The following CCSER2 variants were observed in gnomAD, a reference collection of about 807,000 sequenced individuals.
CCSER2 encodes coiled-coil serine rich protein 2, also known as serine-rich coiled-coil domain-containing protein 2.
A neutral mutation model predicts 92.3 loss-of-function variants in CCSER2; 46 were observed. The observed-to-expected ratio is 0.50, with a 90% confidence interval of 0.39 to 0.64. The LOEUF (loss-of-function observed/expected upper bound fraction) is 0.64, where lower values mean the gene tolerates loss of function less well. Ranked by LOEUF, CCSER2 falls within the 30% of genes least tolerant of loss-of-function variation. The pLI is 0.00. For synonymous variants in CCSER2, 433 were observed against 431.4 expected, an observed-to-expected ratio of 1.00 and a Z score of -0.04; for missense variants, 1,244 against 1,238.9, an observed-to-expected ratio of 1.00 and a Z score of -0.06.
At chr10:84,450,647 T>C (rs547316396) in intron 6 of CCSER2, among the ~76,000 whole-genome samples, 2 of 152,296 alleles carry the variant, frequency 1.3e-5, no homozygotes, top group South Asian at 4.1e-4. Context: ...CATGAAATTA[T>C]CAATAAATTT....
intron 1 of CCSER2, 80 bp from the exon 2 acceptor site, chr10:84,370,934 G>T (rs1411900796): frequency 7.9e-6 from 5 of 636,926 alleles, no homozygotes; most frequent in Non-Finnish European, 1.2e-5. Context: ...GTATAAAAGT[G>T]TAAGTATCAT....
chr10:84,482,770 C>G lies in CCSER2; in HGVS notation c.2325+5106C>G, dbSNP rs1847530484. ...AACAGGTTAGACCCAAAGGATCTAC[C>G]TGACCTGTCATGTAATTACCTGACC... is the stretch of plus-strand genomic sequence containing the variant. On this transcript the variant is annotated intron_variant, in intron 9 of 9. Transcript: ENST00000372088. Among the ~76,000 whole-genome samples the G allele has an allele frequency of 5.3e-5, 8 of 152,240 alleles. No homozygotes were observed. In the South Asian group the frequency reaches 1.7e-3, roughly 32 times the overall value.
intron 9 of CCSER2, among the ~76,000 whole-genome samples, chr10:84,502,029 G>A (rs189027184): frequency 2.0e-5 from 3 of 149,022 alleles, no homozygotes; most frequent in African/African-American, 7.3e-5. Context: ...AGCTTGAAAG[G>A]TTCCTTTAGA....
chr10:84,436,462 C>T (rs959116049), intron 5 of CCSER2, among the ~76,000 whole-genome samples: 4 of 151,136 alleles, frequency 2.6e-5, no homozygotes, highest in African/African-American at 7.3e-5. Flanking sequence ...GGTAAAACCC[C>T]GTCTGTACTA....
chr10:84,493,216 T>C (rs1357070771), intron 9 of CCSER2, among the ~76,000 whole-genome samples: 1 of 152,200 alleles, frequency 6.6e-6, no homozygotes, highest in Non-Finnish European at 1.5e-5. Flanking sequence ...GAATTGGCCC[T>C]TTTTCTCAGT....
chr10:84,378,164 A>G (rs1280864153), intron 3 of CCSER2, among the ~76,000 whole-genome samples: 1 of 152,158 alleles, frequency 6.6e-6, no homozygotes, highest in Non-Finnish European at 1.5e-5. Flanking sequence ...AGGGAGTTTA[A>G]TCAGAGTATG....
At chr10:84,390,916 G>T in intron 3 of CCSER2, 1 of 740,054 alleles carries the variant, frequency 1.4e-6, no homozygotes. Flanking sequence ...CCTAGAAGAG[G>T]AGGCTTGTAC....
chr10:84,487,730 ATTTC>A (rs997720963), intron 9 of CCSER2, among the ~76,000 whole-genome samples: 8 of 152,088 alleles, frequency 5.3e-5, no homozygotes, highest in African/African-American at 1.9e-4. Context: ...AATACCCTTT[ATTTC>A]TTTCTCCTGC....
intron 3 of CCSER2, among the ~76,000 whole-genome samples, chr10:84,409,250 C>G (rs1206146771): frequency 6.6e-6 from 1 of 152,104 alleles, no homozygotes; most frequent in African/African-American, 2.4e-5. Context: ...CGTGGCCTCT[C>G]AAAGTGCTGG....
intron 5 of CCSER2, among the ~76,000 whole-genome samples, chr10:84,430,129 A>C: frequency 6.6e-6 from 1 of 152,026 alleles, no homozygotes; most frequent in East Asian, 1.9e-4. Flanking sequence ...GTGTTTGCTT[A>C]GGCACACCTG....
chr10:84,450,952 G>T (rs1469950921), intron 6 of CCSER2, among the ~76,000 whole-genome samples: 1 of 152,066 alleles, frequency 6.6e-6, no homozygotes, highest in Non-Finnish European at 1.5e-5. Context: ...TTGAGTGTAT[G>T]GTGTGTATCT....
chr10:84,328,916 G>C (rs1244030451), intron 1 of CCSER2, 108 bp downstream of exon 1: 1 of 151,984 alleles, frequency 6.6e-6, no homozygotes, highest in Non-Finnish European at 1.5e-5. Context: ...CCGAACTCCC[G>C]GGCTGAGGCG....
At chr10:84,479,852 G>T (rs1262616986) in intron 9 of CCSER2, among the ~76,000 whole-genome samples, 7 of 152,074 alleles carry the variant, frequency 4.6e-5, no homozygotes, top group African/African-American at 1.7e-4. Context: ...GGGTGAGGGG[G>T]CTAGAAGGAA....
chr10:84,465,239 T>TTGTA (rs1393940611), intron 7 of CCSER2, among the ~76,000 whole-genome samples: 6 of 106,788 alleles, frequency 5.6e-5, no homozygotes, highest in Non-Finnish European at 7.6e-5. Flanking sequence ...TTTCCTGAAT[T>TTGTA]TGTGTGTGTG....
intron 1 of CCSER2, among the ~76,000 whole-genome samples, chr10:84,336,943 A>C (rs1843870727): frequency 1.3e-5 from 2 of 152,222 alleles, no homozygotes; most frequent in South Asian, 4.1e-4. Context: ...ATGTGGGCTG[A>C]GTTTGGCCTG....
intron 9 of CCSER2, among the ~76,000 whole-genome samples, chr10:84,513,143 A>G (rs1254032390): frequency 1.3e-5 from 2 of 152,198 alleles, no homozygotes; most frequent in Non-Finnish European, 2.9e-5. Flanking sequence ...GGTTTAAAAT[A>G]CCTAATGAAT....
intron 6 of CCSER2, among the ~76,000 whole-genome samples, chr10:84,451,825 C>G (rs1005294547): frequency 6.6e-6 from 1 of 152,144 alleles, no homozygotes; most frequent in East Asian, 1.9e-4. Context: ...TTTGCCCTGA[C>G]CATCTGTGAG....
intron 9 of CCSER2, among the ~76,000 whole-genome samples, chr10:84,503,414 G>A (rs1228780269): frequency 1.3e-5 from 2 of 152,088 alleles, no homozygotes; most frequent in South Asian, 4.1e-4. Context: ...CTTTCCTGCT[G>A]TTAGTAGGGA....
rs891439980 is a variant in CCSER2 at position 84,456,059 on chromosome 10, C to T, written c.2065-7874C>T. ...TCTGTAGCTCTTCCAAAGCCTAGAT[C>T]GGGCTGGGTCAGGCCAAAGACCCGA... On this transcript the variant is annotated intron_variant, in intron 6 of 9. Transcript: ENST00000372088. 5 of 430,654 alleles carry T rather than the reference C, an allele frequency of 1.2e-5. No individual in the cohort carries two copies. The East Asian group carries it at 1.8e-4, about 15-fold the overall frequency. The allele number at this position is 430,654 out of a possible 1,614,324, so 26.7% of individuals were successfully genotyped here.
Sources: gnomAD v4.1 joint callset for allele counts (sites outside exome capture counted in the v4.1 genomes callset) on GRCh38, gnomAD v4.1.1 for gene constraint, MANE v1.5 for transcripts, NCBI Gene and HGNC (gene_info 2026-07-23, HGNC 2026-07-21) for gene names.